CHD4: variants seen among roughly 807,000 people sequenced by gnomAD.
The protein encoded by CHD4 is ATP-dependent chromatin remodeler CHD4.
A neutral mutation model predicts 235.5 loss-of-function variants in CHD4; 35 were observed. The ratio of observed to expected loss-of-function variants is 0.15; its 90% CI spans 0.11 to 0.20. CHD4 has a LOEUF of 0.20. CHD4 is among the 10% of genes least tolerant of loss of function. CHD4 has a pLI of 1.00. For missense variants in CHD4, 1,329 were observed against 2,432.3 expected, an observed-to-expected ratio of 0.55 and a Z score of 9.54; for synonymous variants, 900 against 850.2, an observed-to-expected ratio of 1.06 and a Z score of -1.02.
At chr12:6,601,137 A>G in intron 6 of CHD4, 84 bp from the exon 7 acceptor site, 1 of 1,524,948 alleles carries the variant, frequency 6.6e-7, no homozygotes, top group Non-Finnish European at 8.8e-7. Flanking sequence ...TTGCTTCCCC[A>G]CATTCAGATT....
rs1947946508 is a variant in CHD4 at position 6,570,573 on chromosome 12, A to G, written c.*103T>C. On this transcript the variant is annotated 3_prime_UTR_variant, in exon 40 of 40. Coordinates refer to ENST00000544040, the MANE Select transcript of CHD4 (RefSeq NM_001273.5). ...TTCCTTTACAACATGGAAGATGGGC[A>G]GAAGGAAGGTGAGGGTCTCTCAGGC... The G allele has an allele frequency of 7.1e-7, 1 of 1,402,538 alleles. No individual in the cohort carries two copies. The highest frequency in any genetic ancestry group is 1.0e-6 in the Non-Finnish European group (1 of 994,186). The allele number at this position is 1,402,538 out of a possible 1,614,324, so 86.9% of individuals were successfully genotyped here.
rs1425947383 is a variant in CHD4, at chr12:6,589,740, C to G, written c.3341-1318G>C. Among the ~76,000 whole-genome samples, 4 of 150,830 alleles carry G rather than the reference C, an allele frequency of 2.7e-5. No individual in the cohort carries two copies. The East Asian group carries it at 7.8e-4, about 29-fold the overall frequency. ...CAAAATCAGGCCACTGCACTCCAGC[C>G]TGGTGACAGAGCAAGACTTTGTCTC... On this transcript the variant is annotated intron_variant, in intron 22 of 39. Coordinates refer to ENST00000544040, the MANE Select transcript of CHD4 (RefSeq NM_001273.5).
chr12:6,592,103 A>G (rs1158449205), intron 19 of CHD4, 46 bp from the exon 20 acceptor site: 3 of 1,606,964 alleles, frequency 1.9e-6, no homozygotes, highest in Admixed American at 1.7e-5. Flanking sequence ...AGAGCCTTTC[A>G]ATGACTAATA....
rs1317545915 is a variant in CHD4, at chr12:6,606,373, T to TC, written c.-1dup. Reference sequence around the variant, plus strand: ...GACGGGGAGCCCAGGCCCGACGCCATCCCCTTCCGCTCCCGGCCAGGGAAT... The same window carrying TC: ...GACGGGGAGCCCAGGCCCGACGCCATCCCCCTTCCGCTCCCGGCCAGGGAAT... On this transcript the variant is annotated 5_prime_UTR_variant, in exon 2 of 40. Transcript: ENST00000544040. The TC allele has an allele frequency of 6.4e-7, 1 of 1,567,562 alleles. No individual in the cohort carries two copies. Among genetic ancestry groups the TC allele is most frequent in the Non-Finnish European group, 8.6e-7 (1 of 1,159,744 alleles).
At position 6,576,502 on chromosome 12, in the gene CHD4, A is replaced by C. The variant is rs528982024; in HGVS notation, c.5361+1283T>G. On this transcript the variant is annotated intron_variant, in intron 37 of 39. Coordinates refer to ENST00000544040, the MANE Select transcript of CHD4 (RefSeq NM_001273.5). ...GCTAATTTTTGTATTTTTTGTAGAC[A>C]TGGGGTTTTGCCATGTTGCCCGAGC... 1.2e-3 allele frequency among the ~76,000 whole-genome samples: 177 copies of C among 152,310 alleles called. 2 individuals are homozygous for C. The highest frequency in any genetic ancestry group is 0.01 in the Admixed American group (160 of 15,298).
chr12:6,596,403 A>G (rs1487818444), intron 12 of CHD4, among the ~76,000 whole-genome samples: 1 of 150,740 alleles, frequency 6.6e-6, no homozygotes, highest in Non-Finnish European at 1.5e-5. Context: ...TAATCCCAGC[A>G]CTTTGGGAAG....
intron 37 of CHD4, among the ~76,000 whole-genome samples, chr12:6,573,775 GCA>G (rs1948020198): frequency 6.6e-6 from 1 of 152,132 alleles, no homozygotes; most frequent in African/African-American, 2.4e-5. Context: ...TGTAATCCCA[GCA>G]CTTTGGGAGG....
At chr12:6,600,064 G>T in intron 9 of CHD4, 52 bp from the exon 10 acceptor site, 1 of 1,492,500 alleles carries the variant, frequency 6.7e-7, no homozygotes, top group Non-Finnish European at 9.2e-7. Context: ...GCCCACCGCA[G>T]TCTGAAGCCA....
chr12:6,587,678 C>T lies in CHD4; in HGVS notation c.3703+34G>A, dbSNP rs920285421. The T allele has an allele frequency of 3.7e-6, 6 of 1,609,854 alleles. No homozygotes were observed. The African/African-American group carries it at 6.7e-5, about 18-fold the overall frequency. The stretch of plus-strand genomic sequence containing the variant: ...TCCCTAACCTTTAGAGAGGCCAAGC[C>T]CCACACCAAAACGTAAGTTCCTGAC... On this transcript the variant is annotated intron_variant, in intron 24 of 39. Coordinates refer to ENST00000544040, the MANE Select transcript of CHD4 (RefSeq NM_001273.5).
intron 25 of CHD4, chr12:6,583,802 TTCTTCATAA>T (rs1948234912): frequency 6.4e-6 from 1 of 156,962 alleles, no homozygotes; most frequent in Admixed American, 6.5e-5. Flanking sequence ...AGCCTTTCTA[TTCTTCATAA>T]ACTTCATAAA....
At position 6,593,817 on chromosome 12, in the gene CHD4, T is replaced by C. The variant is rs1948440511; in HGVS notation, c.2314-201A>G. ...AAGGTCCCACCATAACTACAAGTCT[T>C]ACCTCTCCCATTAAGTCTTTATATA... On this transcript the variant is annotated intron_variant, in intron 15 of 39. Transcript: ENST00000544040. The surrounding 1 kb of genome is among the most constrained non-coding windows in gnomAD (Gnocchi z 4.9). Among the ~76,000 whole-genome samples the C allele has an allele frequency of 6.6e-6, 1 of 152,130 alleles. No individual in the cohort carries two copies. Among genetic ancestry groups the C allele is most frequent in the Non-Finnish European group, 1.5e-5 (1 of 68,020 alleles).
At chr12:6,591,409 G>C in intron 22 of CHD4, 57 bp downstream of exon 22, 2 of 1,364,410 alleles carry the variant, frequency 1.5e-6, no homozygotes, top group Non-Finnish European at 2.1e-6. Flanking sequence ...AGAAGTTACA[G>C]TCCAAAGATA....
intron 5 of CHD4, 30 bp from the exon 6 acceptor site, chr12:6,601,560 A>G: frequency 6.2e-7 from 1 of 1,613,812 alleles, no homozygotes; most frequent in Non-Finnish European, 8.5e-7. Context: ...GAGCAGAGGG[A>G]AAGGTTTAAG....
Position 6,596,154 on chromosome 12 carries a change from GAA to G in CHD4, c.1893-19_1893-18del. 1 of 1,609,718 alleles carries G rather than the reference GAA, an allele frequency of 6.2e-7. No homozygotes were observed. The highest frequency in any genetic ancestry group is 8.5e-7 in the Non-Finnish European group (1 of 1,178,718). ...TTGTCCACACTGCAAGTCCAGGAGA[GAA>G]AACCCTCAGAGCCAGAAAAGGCAAC... On this transcript the variant is annotated intron_variant, in intron 12 of 39. Transcript: ENST00000544040.
At chr12:6,606,924 G>C (rs940240439) in intron 1 of CHD4, 1 of 152,102 alleles carries the variant, frequency 6.6e-6, no homozygotes, top group Non-Finnish European at 1.5e-5. Context: ...GCGGGGACGA[G>C]GGGGCGTGGA....
chr12:6,601,785 CAAG>C lies in CHD4; in HGVS notation c.439-22_439-20del, dbSNP rs1329877812. 5 of 1,606,528 alleles carry C rather than the reference CAAG, an allele frequency of 3.1e-6. No homozygotes were observed. Among genetic ancestry groups the C allele is most frequent in the Non-Finnish European group, 4.3e-6 (5 of 1,173,404 alleles). On this transcript the variant is annotated intron_variant, in intron 4 of 39. Coordinates refer to ENST00000544040, the MANE Select transcript of CHD4 (RefSeq NM_001273.5). Reference sequence around the variant, plus strand: ...TAGGCTCCTGCAGAAAGAGCAAAGTCAAGTAAGTACCTGCCACCTAGTGCCCAC... The same window carrying C: ...TAGGCTCCTGCAGAAAGAGCAAAGTCTAAGTACCTGCCACCTAGTGCCCAC...
At chr12:6,576,553 A>C (rs896153875) in intron 37 of CHD4, among the ~76,000 whole-genome samples, 1 of 152,134 alleles carries the variant, frequency 6.6e-6, no homozygotes, top group African/African-American at 2.4e-5. Flanking sequence ...GGACTCAAGC[A>C]ATCAGCTCTT....
Position 6,593,689 on chromosome 12 carries a change from T to A in CHD4, c.2314-73A>T. The A allele has an allele frequency of 7.3e-7, 1 of 1,370,838 alleles. No individual in the cohort carries two copies. Among genetic ancestry groups the A allele is most frequent in the Non-Finnish European group, 1.0e-6 (1 of 979,130 alleles). 84.9% of individuals were successfully genotyped at this position (1,370,838 alleles called of 1,614,324 possible). ...CAACCCCAGCGAACACCCACCACCC[T>A]GCTGCCCCCTCAAGCTGAGCCAAGG... On this transcript the variant is annotated intron_variant, in intron 15 of 39. Transcript: ENST00000544040. This position sits in a 1 kb window ranked among gnomAD's most constrained non-coding sequence, Gnocchi z 4.9.
Position 6,600,995 on chromosome 12 carries a change from A to T in CHD4, c.858T>A (p.Pro286=). The change falls in exon 7 of 40, where the codon CCT becomes CCA. Residue 286 remains proline (P), a synonymous_variant. Transcript: ENST00000544040. ...GSPRVPDAKK[P]KPKKVAPLKI... is the part of the protein sequence containing the mutation. ...TCAGGGGAGCTACTTTCTTGGGTTT[A>T]GGCTTCTTGGCATCAGGTACACGAG... 1 of 1,607,418 alleles carries T rather than the reference A, an allele frequency of 6.2e-7. No homozygotes were observed. Among genetic ancestry groups the T allele is most frequent in the Non-Finnish European group, 8.5e-7 (1 of 1,177,890 alleles).
Sources: allele counts gnomAD v4.1 joint callset (sites outside exome capture counted in the v4.1 genomes callset), GRCh38; gene constraint gnomAD v4.1.1; non-coding constraint Gnocchi (gnomAD v3.1); transcripts MANE v1.5; gene names NCBI Gene and HGNC (gene_info 2026-07-23, HGNC 2026-07-21).